ATRX: variants seen among roughly 807,000 people sequenced by gnomAD.
ATRX encodes the protein chromatin remodeler ATRX.
In ATRX, 12 loss-of-function variants were observed where a neutral mutation model predicts 172.6. The observed-to-expected ratio is 0.07, with a 90% confidence interval of 0.04 to 0.11. The LOEUF is 0.11. ATRX is among the 10% of genes least tolerant of loss of function. ATRX has a pLI of 1.00. For synonymous variants in ATRX, 674 were observed against 594.7 expected, an observed-to-expected ratio of 1.13 and a Z score of -1.94; for missense variants, 1,368 against 1,767.4, an observed-to-expected ratio of 0.77 and a Z score of 4.05.
At chrX:77,646,489 A>G (rs1456393074) in intron 15 of ATRX, among the ~76,000 whole-genome samples, 1 of 112,211 alleles carries the variant, frequency 8.9e-6, no homozygotes, top group Admixed American at 9.5e-5. Flanking sequence ...TAAAAGGAGA[A>G]ATATACATCA....
intron 30 of ATRX, among the ~76,000 whole-genome samples, chrX:77,533,092 A>G (rs1227343238): frequency 6.2e-5 from 7 of 112,407 alleles, no homozygotes; most frequent in Non-Finnish European, 1.3e-4. Context: ...ACAATGAGAT[A>G]CCATCTGATG....
chrX:77,661,520 T>C (rs1433144669), intron 12 of ATRX, among the ~76,000 whole-genome samples: 2 of 109,882 alleles, frequency 1.8e-5, no homozygotes, highest in Non-Finnish European at 3.8e-5. Context: ...GCCTATTATA[T>C]TTCCCAAACA....
intron 25 of ATRX, among the ~76,000 whole-genome samples, chrX:77,599,060 A>AT (rs1310640975): frequency 7.1e-5 from 8 of 112,237 alleles, no homozygotes; most frequent in Non-Finnish European, 9.4e-5. Flanking sequence ...TTAGGTCTGA[A>AT]TACCAGTTCT....
At chrX:77,734,214 T>C (rs1347982952) in intron 1 of ATRX, among the ~76,000 whole-genome samples, 4 of 94,851 alleles carry the variant, frequency 4.2e-5, no homozygotes, top group African/African-American at 1.7e-4. Context: ...CTCAAATACA[T>C]ACATACATAC....
chrX:77,521,693 A>T (rs1032818760), intron 32 of ATRX, 195 bp from the exon 33 acceptor site: 9 of 356,490 alleles, frequency 2.5e-5, no homozygotes, highest in African/African-American at 5.1e-5. Flanking sequence ...TAGGAAGATT[A>T]AAAAAGTTTG....
In ATRX at chrX:77,707,140, G is replaced by A. The variant is rs142364752; in HGVS notation, c.134-8511C>T. On this transcript the variant is annotated intron_variant, in intron 2 of 34. Transcript: ENST00000373344. Reference sequence around the variant, plus strand: ...AAGGACAAATATTGTAGGATTATACGTATATGAAGTTCCTAGAGTAGTCAA... The same window carrying A: ...AAGGACAAATATTGTAGGATTATACATATATGAAGTTCCTAGAGTAGTCAA... Among the ~76,000 whole-genome samples the A allele has an allele frequency of 3.0e-4, 34 of 112,050 alleles. No homozygotes were observed. The East Asian group carries it at 4.8e-3, about 16-fold the overall frequency.
chrX:77,760,935 T>C (rs1388141707), intron 1 of ATRX, among the ~76,000 whole-genome samples: 1 of 112,116 alleles, frequency 8.9e-6, no homozygotes, highest in Non-Finnish European at 1.9e-5. Flanking sequence ...CTGTTGTTCA[T>C]GTATTAAGTT....
At chrX:77,576,047 A>G (rs1334312471) in intron 27 of ATRX, among the ~76,000 whole-genome samples, 1 of 111,514 alleles carries the variant, frequency 9.0e-6, no homozygotes, top group Non-Finnish European at 1.9e-5. Context: ...TGGTAATAGC[A>G]GTAACTCAAA....
Position 77,683,036 on chromosome X carries a change from C to G in ATRX, c.2220G>C (p.Glu740Asp), listed in dbSNP as rs781835315. The change falls in exon 9 of 35, where the codon GAG becomes GAC. Residue 740 changes from glutamate (E) to aspartate (D), a missense_variant. Glu to Asp is a conservative substitution (Grantham distance 45). This residue lies in a region of ATRX where 843 missense variants were observed against 643.1 expected (regional missense o/e 1.31). Coordinates refer to ENST00000373344, the MANE Select transcript of ATRX (RefSeq NM_000489.6). ...DSDEMLAILK[E>D]VSRMSHSSSS... Reference sequence around the variant, plus strand: ...AAGAACTGTGACTCATCCTGCTCACCTCTTTGAGGATTGCTAGCATTTCAT... The same window carrying G: ...AAGAACTGTGACTCATCCTGCTCACGTCTTTGAGGATTGCTAGCATTTCAT... 4.1e-6 allele frequency: 5 copies of G among 1,208,589 alleles called. No homozygotes were observed. The highest frequency in any genetic ancestry group is 5.6e-6 in the Non-Finnish European group (5 of 894,467).
intron 30 of ATRX, among the ~76,000 whole-genome samples, chrX:77,537,599 C>G (rs781932859): frequency 1.8e-5 from 2 of 110,721 alleles, no homozygotes; most frequent in African/African-American, 6.6e-5. Flanking sequence ...ACTTGGGAGG[C>G]TGAAGCGGGA....
At chrX:77,667,080 A>T (rs1557126672) in intron 10 of ATRX, among the ~76,000 whole-genome samples, 2 of 103,413 alleles carry the variant, frequency 1.9e-5, no homozygotes, top group Non-Finnish European at 3.9e-5. Context: ...AGTTCTATTT[A>T]AAAAAAAAAA....
chrX:77,599,064 C>T (rs2066568400), intron 25 of ATRX, among the ~76,000 whole-genome samples: 1 of 111,718 alleles, frequency 9.0e-6, no homozygotes, highest in African/African-American at 3.2e-5. Context: ...GTCTGAATAC[C>T]AGTTCTCCTA....
At chrX:77,784,592 C>T (rs892545369) in intron 1 of ATRX, among the ~76,000 whole-genome samples, 2 of 111,831 alleles carry the variant, frequency 1.8e-5, no homozygotes, top group Non-Finnish European at 3.8e-5. Context: ...GTACCACTTA[C>T]GTGCCTAATA....
At chrX:77,590,940 C>T (rs1406296346) in intron 26 of ATRX, among the ~76,000 whole-genome samples, 1 of 112,060 alleles carries the variant, frequency 8.9e-6, no homozygotes, top group Non-Finnish European at 1.9e-5. Context: ...CTATAAAAGA[C>T]ACTGTTTTAG....
chrX:77,777,865 G>T (rs782111630), intron 1 of ATRX, among the ~76,000 whole-genome samples: 18 of 110,508 alleles, frequency 1.6e-4, no homozygotes, highest in African/African-American at 5.9e-4. Context: ...GGCCAGGCGC[G>T]GTGGCTCATG....
intron 34 of ATRX, among the ~76,000 whole-genome samples, chrX:77,515,305 T>C (rs1156647326): frequency 3.6e-5 from 4 of 111,061 alleles, no homozygotes; most frequent in East Asian, 5.6e-4. Context: ...TATATGTTCA[T>C]TGCAGCACTA....
At chrX:77,576,679 A>G (rs567547269) in intron 27 of ATRX, among the ~76,000 whole-genome samples, 16 of 111,403 alleles carry the variant, frequency 1.4e-4, no homozygotes, top group Non-Finnish European at 2.5e-4. Flanking sequence ...CCTGTCTCCA[A>G]TGATACATAT....
intron 1 of ATRX, among the ~76,000 whole-genome samples, chrX:77,782,789 A>G (rs1557206180): frequency 9.0e-6 from 1 of 111,152 alleles, no homozygotes; most frequent in East Asian, 2.8e-4. Flanking sequence ...ATTAAAGTTC[A>G]TCAGTCATGA....
At chrX:77,769,457 T>G (rs1301586819) in intron 1 of ATRX, among the ~76,000 whole-genome samples, 3 of 109,827 alleles carry the variant, frequency 2.7e-5, no homozygotes, top group African/African-American at 1.0e-4. Context: ...CCCAGCTAAT[T>G]TTTATATTTT....
Sources: gnomAD v4.1 joint callset for allele counts (sites outside exome capture counted in the v4.1 genomes callset) on GRCh38, gnomAD v4.1.1 for gene constraint, gnomAD v4.1.1 regional missense constraint, MANE v1.5 for transcripts, NCBI Gene and HGNC (gene_info 2026-07-23, HGNC 2026-07-21) for gene names.